Variants in ZPLD1 observed in about 807,000 individuals in gnomAD.
ZPLD1 encodes the protein zona pellucida-like domain-containing protein 1.
A neutral mutation model predicts 47.2 loss-of-function variants in ZPLD1; 34 were observed. That is an observed-to-expected ratio of 0.72 (90% CI 0.55 to 0.96). The LOEUF is 0.96. Ranked by LOEUF, ZPLD1 falls within the 40% of genes least tolerant of loss-of-function variation. The pLI is 0.00. For synonymous variants in ZPLD1, 176 were observed against 186.2 expected (o/e 0.95, Z 0.45); for missense variants, 512 against 505.8 (o/e 1.01, Z -0.12).
chr3:102,388,270 A>G (rs1706455543), intron 6 of ZPLD1, among the ~76,000 whole-genome samples: 1 of 151,950 alleles, frequency 6.6e-6, no homozygotes, highest in African/African-American at 2.4e-5. Flanking sequence ...CTCCTGGAGG[A>G]TATACTGAGA....
intron 8 of ZPLD1, among the ~76,000 whole-genome samples, chr3:102,427,684 G>GCA (rs528430521): frequency 3.3e-5 from 5 of 152,244 alleles, no homozygotes; most frequent in Admixed American, 1.3e-4. Flanking sequence ...ATCCCCAAGA[G>GCA]CACACACACA....
At chr3:102,445,482 A>C (rs1022386901) in intron 3 of ZPLD1, among the ~76,000 whole-genome samples, 2 of 152,220 alleles carry the variant, frequency 1.3e-5, no homozygotes, top group Admixed American at 6.5e-5. Flanking sequence ...CCTATGAGCT[A>C]TCTTCTGTCC....
Position 102,475,121 on chromosome 3 carries a change from G to A in ZPLD1, c.1043-1891G>A, listed in dbSNP as rs142936714. Among the ~76,000 whole-genome samples, 1,221 of 151,660 alleles carry A rather than the reference G, an allele frequency of 8.1e-3. 9 individuals carry two copies. The highest frequency in any genetic ancestry group is 0.011 in the Admixed American group (171 of 15,162). ...ATAGTATTCAAATATCACAGGTTTC[G>A]ATTTCAACCACCTGCCAAAGGTAGT... is the stretch of plus-strand genomic sequence containing the variant. On this transcript the variant is annotated intron_variant, in intron 10 of 11. Coordinates refer to ENST00000466937, the MANE Select transcript of ZPLD1 (RefSeq NM_001329788.2).
At chr3:102,469,216 G>T in intron 9 of ZPLD1, 81 bp downstream of exon 9, 1 of 1,441,876 alleles carries the variant, frequency 6.9e-7, no homozygotes, top group Non-Finnish European at 9.4e-7. Flanking sequence ...ACTAAGTTCT[G>T]CATAGAAAGT....
chr3:102,449,964 T>C (rs1707311890), intron 3 of ZPLD1, among the ~76,000 whole-genome samples: 1 of 152,204 alleles, frequency 6.6e-6, no homozygotes, highest in South Asian at 2.1e-4. Flanking sequence ...CTGGAGTACA[T>C]TGGTTAATAT....
chr3:102,427,555 A>C (rs905383616), intron 8 of ZPLD1, among the ~76,000 whole-genome samples: 1 of 152,164 alleles, frequency 6.6e-6, no homozygotes, highest in African/African-American at 2.4e-5. Context: ...GGTCCCAGGG[A>C]GTGTATTACT....
Position 102,478,349 on chromosome 3 carries a change from C to T in ZPLD1, c.*731C>T, listed in dbSNP as rs1253644409. 6.6e-6 allele frequency: 1 copy of T among 152,218 alleles called. No individual in the cohort carries two copies. Among genetic ancestry groups the T allele is most frequent in the Non-Finnish European group, 1.5e-5 (1 of 68,052 alleles). 9.4% of individuals were successfully genotyped at this position (152,218 alleles called of 1,614,324 possible). A position where few individuals can be genotyped will look rare whatever the true frequency, so the allele number is the denominator to read the frequency against. On this transcript the variant is annotated 3_prime_UTR_variant, in exon 12 of 12. Coordinates refer to ENST00000466937, the MANE Select transcript of ZPLD1 (RefSeq NM_001329788.2). ...TCTGGTTCAGGTGAGAACACCAGCA[C>T]ATGTTAACTCTCCTCCCAGGTAAAC...
chr3:102,438,333 G>A (rs1051572689), intron 2 of ZPLD1, 147 bp from the exon 3 acceptor site: 36 of 572,764 alleles, frequency 6.3e-5, no homozygotes, highest in Non-Finnish European at 8.3e-5. Flanking sequence ...CTTTACTACC[G>A]ATAATCCTCA....
At chr3:102,474,533 A>T (rs1707729737) in intron 10 of ZPLD1, among the ~76,000 whole-genome samples, 3 of 152,172 alleles carry the variant, frequency 2.0e-5, no homozygotes. Flanking sequence ...TGTGAAAAGT[A>T]AAAAGGTCGG....
intron 6 of ZPLD1, among the ~76,000 whole-genome samples, chr3:102,388,294 C>G (rs1311567232): frequency 1.3e-5 from 2 of 152,030 alleles, no homozygotes; most frequent in Non-Finnish European, 2.9e-5. Context: ...TATACTCTCT[C>G]TTGTATATTT....
At chr3:102,463,215 G>C (rs755145845) in intron 7 of ZPLD1, among the ~76,000 whole-genome samples, 6 of 152,132 alleles carry the variant, frequency 3.9e-5, no homozygotes, top group African/African-American at 4.8e-5. Context: ...GTGGAGGAAG[G>C]CTGTGGATAT....
intron 6 of ZPLD1, among the ~76,000 whole-genome samples, chr3:102,390,888 C>T (rs1337569831): frequency 6.6e-6 from 1 of 152,034 alleles, no homozygotes; most frequent in East Asian, 1.9e-4. Flanking sequence ...CATTGGAAAG[C>T]ACCTCAAATA....
At chr3:102,398,136 A>C (rs921163247) in intron 7 of ZPLD1, among the ~76,000 whole-genome samples, 5 of 152,144 alleles carry the variant, frequency 3.3e-5, no homozygotes, top group African/African-American at 4.8e-5. Flanking sequence ...TTTTAGAAAA[A>C]ATTGAAAATT....
chr3:102,477,003 T>A lies in ZPLD1; in HGVS notation c.1043-9T>A, dbSNP rs58015062. On this transcript the variant is annotated splice_polypyrimidine_tract_variant and intron_variant, in intron 10 of 11. Transcript: ENST00000466937. ...ATGTCACTTCTCTTTTTCTGTTTTTTCCCCTCAGATGAGACTCCAACCAAC... is the reference window on the plus strand; with the variant it reads ...ATGTCACTTCTCTTTTTCTGTTTTTACCCCTCAGATGAGACTCCAACCAAC... 2,370 of 1,613,348 alleles carry A rather than the reference T, an allele frequency of 1.5e-3. 60 individuals carry two copies. The East Asian group carries it at 0.047, about 32-fold the overall frequency.
chr3:102,414,079 GCC>G (rs1706777166), intron 7 of ZPLD1, among the ~76,000 whole-genome samples: 1 of 151,730 alleles, frequency 6.6e-6, no homozygotes, highest in Non-Finnish European at 1.5e-5. Flanking sequence ...GTGTTCACAT[GCC>G]CATTCACCAG....
upstream of ZPLD1, among the ~76,000 whole-genome samples, chr3:102,433,851 T>C (rs952432007): frequency 5.9e-5 from 9 of 152,182 alleles, no homozygotes; most frequent in African/African-American, 2.2e-4. Context: ...CTTTATGCAC[T>C]CACTGCCTAA....
At chr3:102,475,847 A>G (rs1418466676) in intron 10 of ZPLD1, among the ~76,000 whole-genome samples, 1 of 152,178 alleles carries the variant, frequency 6.6e-6, no homozygotes, top group Non-Finnish European at 1.5e-5. Context: ...GGTGTCAGAT[A>G]TTTTATAAAT....
intron 3 of ZPLD1, among the ~76,000 whole-genome samples, chr3:102,451,942 G>C (rs1378082806): frequency 6.6e-6 from 1 of 152,012 alleles, no homozygotes; most frequent in Admixed American, 6.6e-5. Flanking sequence ...GAGGGTTAGG[G>C]CTTCAGCATA....
In ZPLD1 at chr3:102,425,663, G is replaced by A. The variant is rs141471734; in HGVS notation, c.-9+7456G>A. ...ATAGGAGCTGAAAGTTGTGTTTAGC[G>A]TTATGTCTTACATCCCCAACTTTGA... On this transcript the variant is annotated intron_variant, in intron 8 of 17. Coordinates refer to the ZPLD1 transcript ENST00000491959. 7.5e-3 allele frequency among the ~76,000 whole-genome samples: 1,143 copies of A among 152,104 alleles called. 12 individuals are homozygous for A. Among genetic ancestry groups the A allele is most frequent in the African/African-American group, 0.025 (1,043 of 41,460 alleles).
Sources: gnomAD v4.1 joint callset for allele counts (sites outside exome capture counted in the v4.1 genomes callset) on GRCh38, gnomAD v4.1.1 for gene constraint, MANE v1.5 for transcripts, NCBI Gene and HGNC (gene_info 2026-07-23, HGNC 2026-07-21) for gene names.